Variants in TIAM1 observed in about 807,000 individuals in gnomAD.
The protein encoded by TIAM1 is rho guanine nucleotide exchange factor TIAM1.
A neutral mutation model predicts 163.5 loss-of-function variants in TIAM1; 65 were observed. The observed-to-expected ratio is 0.40, with a 90% confidence interval of 0.33 to 0.49. TIAM1 has a LOEUF of 0.49. Ranked by LOEUF, TIAM1 falls within the 20% of genes least tolerant of loss-of-function variation. The pLI, the probability that TIAM1 is intolerant of heterozygous loss-of-function variation, is 0.77. For missense variants in TIAM1, 1,789 were observed against 2,044.7 expected, an observed-to-expected ratio of 0.87 and a Z score of 2.41; for synonymous variants, 833 against 810.1, an observed-to-expected ratio of 1.03 and a Z score of -0.48.
intron 2 of TIAM1, among the ~76,000 whole-genome samples, chr21:31,317,431 T>C (rs113679746): frequency 0.14 from 21,276 of 151,566 alleles, 1,785 homozygotes; most frequent in Middle Eastern, 0.32. Flanking sequence ...CCAGCCTGGG[T>C]AACAAGAGTG....
rs1417191827 is a variant in TIAM1 at position 31,118,420 on chromosome 21, CTT to C, written c.*1946_*1947del. 2.8e-6 allele frequency: 1 copy of C among 362,632 alleles called. No homozygotes were observed. The highest frequency in any genetic ancestry group is 5.6e-6 in the Non-Finnish European group (1 of 180,106). 22.5% of individuals were successfully genotyped at this position (362,632 alleles called of 1,614,324 possible). On this transcript the variant is annotated 3_prime_UTR_variant, in exon 28 of 28. Coordinates refer to ENST00000541036, the MANE Select transcript of TIAM1 (RefSeq NM_001353694.2). ...AAAAAGGCATAGAACCGCCCAGACA[CTT>C]TTCGTTATTTTTATTGTTTGACAAG...
intron 20 of TIAM1, among the ~76,000 whole-genome samples, chr21:31,142,630 CAAA>C (rs35209332): frequency 0.047 from 4,775 of 101,444 alleles, 240 homozygotes; most frequent in African/African-American, 0.16. Flanking sequence ...GACTCCGTCT[CAAA>C]AAAAAAAAAA....
chr21:31,173,555 A>G (rs1413812628), intron 15 of TIAM1, among the ~76,000 whole-genome samples: 39 of 149,218 alleles, frequency 2.6e-4, no homozygotes, highest in Admixed American at 1.3e-3. Context: ...AGAGAGAGAA[A>G]AGAAAAGAAA....
At chr21:31,233,398 A>G (rs2088548255) in intron 6 of TIAM1, among the ~76,000 whole-genome samples, 1 of 152,182 alleles carries the variant, frequency 6.6e-6, no homozygotes, top group Non-Finnish European at 1.5e-5. Context: ...TTAAGCTATT[A>G]TTTTTAATAT....
Position 31,119,562 on chromosome 21 carries a change from ACTCT to A in TIAM1, c.*802_*805del, listed in dbSNP as rs918956069. ...TATAAATATAAAACCACCACGCCTC[ACTCT>A]CTCTGTAAAAGGTTATATCCTCATT... On this transcript the variant is annotated 3_prime_UTR_variant, in exon 28 of 28. Coordinates refer to ENST00000541036, the MANE Select transcript of TIAM1 (RefSeq NM_001353694.2). 3.3e-5 allele frequency: 5 copies of A among 152,484 alleles called. No homozygotes were observed. Among genetic ancestry groups the A allele is most frequent in the African/African-American group, 9.7e-5 (4 of 41,396 alleles). 9.4% of individuals were successfully genotyped at this position (152,484 alleles called of 1,614,324 possible). A position where few individuals can be genotyped will look rare whatever the true frequency, so the allele number is the denominator to read the frequency against.
At chr21:31,452,928 A>G (rs1027047041) in intron 2 of TIAM1, 4 of 514,730 alleles carry the variant, frequency 7.8e-6, no homozygotes, top group Admixed American at 4.2e-5. Context: ...TGGGAGAAAC[A>G]AAGTGGAAGA....
chr21:31,410,530 TGAG>T (rs889522864), intron 2 of TIAM1, among the ~76,000 whole-genome samples: 21 of 150,210 alleles, frequency 1.4e-4, no homozygotes, highest in South Asian at 4.2e-4. Context: ...TGCATGAGAC[TGAG>T]TTTATGTATA....
intron 5 of TIAM1, among the ~76,000 whole-genome samples, chr21:31,246,190 T>C (rs1347394512): frequency 1.3e-5 from 2 of 152,250 alleles, no homozygotes; most frequent in Non-Finnish European, 1.5e-5. Context: ...AAAACAATGA[T>C]ACATTTTTGG....
At chr21:31,282,453 A>AC in intron 2 of TIAM1, among the ~76,000 whole-genome samples, 1 of 152,332 alleles carries the variant, frequency 6.6e-6, no homozygotes, top group South Asian at 2.1e-4. Context: ...CCTGCCCTCC[A>AC]CGGAGTGCAG....
rs780571895 is a variant in TIAM1, at chr21:31,266,141, C to G, written c.832G>C (p.Glu278Gln). The change falls in exon 4 of 28, where the codon GAA becomes CAA. Residue 278 changes from glutamate (E) to glutamine (Q), a missense_variant. Physicochemically the swap from Glu to Gln is conservative, Grantham distance 29. Transcript: ENST00000541036. The part of the protein sequence containing the change: ...ANHKMPPAAA[E>Q]ETPPYSNYNT... Reference sequence around the variant, plus strand: ...TAATTACTGTACGGAGGAGTCTCTTCAGCAGCAGCTGGTGGCATCTTATGG... The same window carrying G: ...TAATTACTGTACGGAGGAGTCTCTTGAGCAGCAGCTGGTGGCATCTTATGG... 25 of 1,614,066 alleles carry G rather than the reference C, an allele frequency of 1.5e-5. No homozygotes were observed. The South Asian group carries it at 2.7e-4, about 18-fold the overall frequency.
rs1412758376 is a variant in TIAM1, at chr21:31,443,610, C to A, written c.-369+20373G>T. On this transcript the variant is annotated intron_variant, in intron 2 of 28. Transcript: ENST00000286827. ...AAATGCCCTCATGTAAGAAGTCTCACCTGACCCACAACCACCACCACCCAC... is the reference window on the plus strand; with the variant it reads ...AAATGCCCTCATGTAAGAAGTCTCAACTGACCCACAACCACCACCACCCAC... Among the ~76,000 whole-genome samples, 11 of 152,300 alleles carry A rather than the reference C, an allele frequency of 7.2e-5. No homozygotes were observed. In the East Asian group the frequency reaches 2.1e-3, roughly 29 times the overall value.
chr21:31,493,813 G>A (rs2046552920), intron 1 of TIAM1, among the ~76,000 whole-genome samples: 1 of 152,162 alleles, frequency 6.6e-6, no homozygotes, highest in Non-Finnish European at 1.5e-5. Flanking sequence ...GCAGAAGTAG[G>A]GAATGTATAA....
intron 13 of TIAM1, among the ~76,000 whole-genome samples, chr21:31,190,483 T>A (rs1004967306): frequency 6.6e-6 from 1 of 151,962 alleles, no homozygotes; most frequent in Non-Finnish European, 1.5e-5. Context: ...AACCATAACA[T>A]GATAAACAAT....
intron 19 of TIAM1, among the ~76,000 whole-genome samples, chr21:31,150,588 G>A (rs1381922783): frequency 6.6e-6 from 1 of 152,092 alleles, no homozygotes; most frequent in Non-Finnish European, 1.5e-5. Context: ...AGTTCAAATA[G>A]ATCAGAAGTC....
chr21:31,148,497 C>T (rs1473747043), intron 19 of TIAM1, among the ~76,000 whole-genome samples: 1 of 152,162 alleles, frequency 6.6e-6, no homozygotes, highest in Non-Finnish European at 1.5e-5. Flanking sequence ...ATTACCCAAT[C>T]TCAGGTATTT....
At chr21:31,404,754 C>A (rs2077219913) in intron 2 of TIAM1, among the ~76,000 whole-genome samples, 1 of 152,066 alleles carries the variant, frequency 6.6e-6, no homozygotes. Flanking sequence ...TAAGATGTCA[C>A]CACTGGGGAA....
At chr21:31,456,415 G>C (rs920558523) in intron 2 of TIAM1, among the ~76,000 whole-genome samples, 1 of 152,214 alleles carries the variant, frequency 6.6e-6, no homozygotes, top group Admixed American at 6.5e-5. Context: ...GAGCTTCCTC[G>C]AGCTCCTGTT....
chr21:31,121,250 A>G (rs1303148328), intron 27 of TIAM1, among the ~76,000 whole-genome samples: 2 of 152,150 alleles, frequency 1.3e-5, no homozygotes, highest in South Asian at 2.1e-4. Context: ...AATCCTGGCC[A>G]TGTCCCATGG....
intron 3 of TIAM1, among the ~76,000 whole-genome samples, chr21:31,274,356 AC>A (rs1029403229): frequency 8.5e-5 from 13 of 152,180 alleles, no homozygotes; most frequent in African/African-American, 3.1e-4. Context: ...ATAGAAAGCC[AC>A]CCTGTGTTCA....
Sources: gnomAD v4.1 joint callset for allele counts (sites outside exome capture counted in the v4.1 genomes callset) on GRCh38, gnomAD v4.1.1 for gene constraint, MANE v1.5 for transcripts, NCBI Gene and HGNC (gene_info 2026-07-23, HGNC 2026-07-21) for gene names.